ANXA4: variants seen among roughly 807,000 people sequenced by gnomAD.
The protein encoded by ANXA4 is 35-beta calcimedin.
Under a neutral mutation model 49.8 loss-of-function variants are expected in ANXA4, and 39 were observed. That is an observed-to-expected ratio of 0.78 (90% CI 0.61 to 1.02). The LOEUF (loss-of-function observed/expected upper bound fraction) is 1.02, where lower values mean the gene tolerates loss of function less well. ANXA4 is among the 50% of genes least tolerant of loss of function. The pLI, the probability that ANXA4 is intolerant of heterozygous loss-of-function variation, is 0.00. For missense variants in ANXA4, 360 were observed against 410.1 expected (o/e 0.88, Z 1.05); for synonymous variants, 134 against 152.5 (o/e 0.88, Z 0.89).
chr2:69,748,473 A>G (rs111997179), intron 1 of ANXA4, among the ~76,000 whole-genome samples: 2,551 of 150,844 alleles, frequency 0.017, 35 homozygotes, highest in Non-Finnish European at 0.024. Context: ...ATTTTTCATT[A>G]ATTTTACATT....
At chr2:69,801,956 A>G (rs1052459139) in intron 3 of ANXA4, among the ~76,000 whole-genome samples, 1 of 152,204 alleles carries the variant, frequency 6.6e-6, no homozygotes, top group African/African-American at 2.4e-5. Context: ...ATAAACCAAT[A>G]GACTGGTAAT....
intron 1 of ANXA4, among the ~76,000 whole-genome samples, chr2:69,752,908 A>G (rs1405601090): frequency 1.3e-5 from 2 of 152,234 alleles, no homozygotes; most frequent in Non-Finnish European, 2.9e-5. Flanking sequence ...TCTTTTCCAA[A>G]TAAGTCTTAA....
At chr2:69,679,908 C>CAAA (rs1203614402) in intron 2 of ANXA4, among the ~76,000 whole-genome samples, 6 of 152,112 alleles carry the variant, frequency 3.9e-5, no homozygotes, top group Non-Finnish European at 1.5e-5. Flanking sequence ...TATGCTATAA[C>CAAA]CTTGTAATAT....
chr2:69,814,127 G>A (rs1008277909), intron 8 of ANXA4, among the ~76,000 whole-genome samples: 4 of 151,684 alleles, frequency 2.6e-5, no homozygotes, highest in Admixed American at 2.6e-4. Context: ...TGTGAGGTAT[G>A]AACAACTTTG....
At chr2:69,677,275 G>T (rs1481023003) in intron 2 of ANXA4, among the ~76,000 whole-genome samples, 6 of 152,038 alleles carry the variant, frequency 3.9e-5, no homozygotes, top group Non-Finnish European at 1.5e-5. Context: ...CTGTTGCCCA[G>T]ACTGGAGTGC....
At chr2:69,775,568 G>A (rs578071567) in intron 1 of ANXA4, among the ~76,000 whole-genome samples, 1 of 152,338 alleles carries the variant, frequency 6.6e-6, no homozygotes, top group Non-Finnish European at 1.5e-5. Flanking sequence ...AAGGGAGCCA[G>A]TGCTGAGAAA....
chr2:69,720,341 C>T (rs576601019), intron 2 of ANXA4, among the ~76,000 whole-genome samples: 2 of 152,342 alleles, frequency 1.3e-5, no homozygotes, highest in East Asian at 1.9e-4. Flanking sequence ...ACCACTTTCA[C>T]GCAGGCTTTG....
chr2:69,648,957 C>G (rs1294824291), intron 1 of ANXA4, among the ~76,000 whole-genome samples: 1 of 134,000 alleles, frequency 7.5e-6, no homozygotes, highest in African/African-American at 2.9e-5. Flanking sequence ...ACAATCTTGG[C>G]TCACCGCAAC....
At chr2:69,758,710 A>G (rs72903083) in intron 1 of ANXA4, among the ~76,000 whole-genome samples, 4,945 of 152,320 alleles carry the variant, frequency 0.032, 284 homozygotes, top group African/African-American at 0.11. Context: ...TAAATTGAGC[A>G]AGCAAGCTAA....
chr2:69,795,799 T>A (rs1672918811), intron 3 of ANXA4, among the ~76,000 whole-genome samples: 1 of 152,116 alleles, frequency 6.6e-6, no homozygotes, highest in Non-Finnish European at 1.5e-5. Context: ...CTCTACCTAG[T>A]AAAGGAGTGG....
upstream of ANXA4, among the ~76,000 whole-genome samples, chr2:69,739,219 C>T (rs181136311): frequency 3.2e-4 from 48 of 152,224 alleles, no homozygotes; most frequent in Non-Finnish European, 5.6e-4. Flanking sequence ...ACTCTCCTAT[C>T]CCGAGAAATC....
chr2:69,795,351 T>C (rs1419749015), intron 3 of ANXA4, among the ~76,000 whole-genome samples: 1 of 152,182 alleles, frequency 6.6e-6, no homozygotes, highest in Non-Finnish European at 1.5e-5. Context: ...GAAAAAGGCA[T>C]CCTTTAAATC....
chr2:69,648,985 A>G (rs1158968389), intron 1 of ANXA4, among the ~76,000 whole-genome samples: 1 of 147,406 alleles, frequency 6.8e-6, no homozygotes, highest in African/African-American at 2.5e-5. Context: ...TCCCAGGTTC[A>G]AGCGATTCTC....
At chr2:69,720,447 G>C (rs893330240) in intron 2 of ANXA4, among the ~76,000 whole-genome samples, 1 of 152,180 alleles carries the variant, frequency 6.6e-6, no homozygotes, top group Non-Finnish European at 1.5e-5. Context: ...GTTCATTCAC[G>C]GTGGGGAGGA....
intron 2 of ANXA4, among the ~76,000 whole-genome samples, chr2:69,694,561 C>T (rs1678095866): frequency 8.5e-6 from 1 of 117,510 alleles, no homozygotes; most frequent in African/African-American, 3.3e-5. Flanking sequence ...GTGTGATGTT[C>T]CCCTTCCTGT....
chr2:69,686,523 G>A, intron 2 of ANXA4, among the ~76,000 whole-genome samples: 1 of 152,110 alleles, frequency 6.6e-6, no homozygotes, highest in East Asian at 1.9e-4. Flanking sequence ...CGTGATCTCA[G>A]CTCACTGCAG....
intron 3 of ANXA4, among the ~76,000 whole-genome samples, chr2:69,796,584 G>A (rs748871536): frequency 3.9e-5 from 6 of 152,126 alleles, no homozygotes; most frequent in African/African-American, 1.2e-4. Flanking sequence ...TCAGAAAATC[G>A]GCGCAAGTCT....
intron 1 of ANXA4, among the ~76,000 whole-genome samples, chr2:69,768,103 A>G (rs1314951373): frequency 6.6e-6 from 1 of 152,188 alleles, no homozygotes; most frequent in African/African-American, 2.4e-5. Context: ...CAGACCTATG[A>G]AAACATAGCT....
intron 2 of ANXA4, among the ~76,000 whole-genome samples, chr2:69,719,260 CTTTTTTTTTTTTTT>C: frequency 1.5e-5 from 1 of 66,546 alleles, no homozygotes; most frequent in East Asian, 5.3e-4. Context: ...ATTTTCCAGT[CTTTTTTTTTTTTTT>C]TTTTTTTTTT....
Sources: gnomAD v4.1 joint callset for allele counts (sites outside exome capture counted in the v4.1 genomes callset) on GRCh38, gnomAD v4.1.1 for gene constraint, MANE v1.5 for transcripts, NCBI Gene and HGNC (gene_info 2026-07-23, HGNC 2026-07-21) for gene names.